The following WDHD1 variants were observed in gnomAD, a reference collection of about 807,000 sequenced individuals.
The protein encoded by WDHD1 is WD repeat and HMG-box DNA binding protein 1, also known as WD repeat and HMG-box DNA-binding protein 1.
WDHD1 carries 111 observed loss-of-function variants against 135.4 expected under a neutral mutation model. The ratio of observed to expected loss-of-function variants is 0.82; its 90% confidence interval spans 0.70 to 0.96. The LOEUF is 0.96. Ranked by LOEUF, WDHD1 falls within the 40% of genes least tolerant of loss-of-function variation. The probability of loss-of-function intolerance (pLI) is 0.00; values close to 1 mark genes in which losing one functional copy is unlikely to be tolerated. For synonymous variants in WDHD1, 434 were observed against 439.0 expected, an observed-to-expected ratio of 0.99 and a Z score of 0.14; for missense variants, 1,351 against 1,336.3, an observed-to-expected ratio of 1.01 and a Z score of -0.17.
At position 54,939,558 on chromosome 14, in the gene WDHD1, T is replaced by C. The variant is rs1203375475; in HGVS notation, c.*1932A>G. On this transcript the variant is annotated 3_prime_UTR_variant, in exon 26 of 26. Transcript: ENST00000360586. Reference sequence around the variant, plus strand: ...ATAATTAATTTATTTCCATTTTCACTTTCATACTATTCAGTCCCAATTCTC... The same window carrying C: ...ATAATTAATTTATTTCCATTTTCACCTTCATACTATTCAGTCCCAATTCTC... 1.0e-4 allele frequency: 15 copies of C among 148,014 alleles called. No homozygotes were observed. The highest frequency in any genetic ancestry group is 1.3e-4 in the Non-Finnish European group (9 of 67,428). 9.2% of individuals were successfully genotyped at this position (148,014 alleles called of 1,614,324 possible). A position where few individuals can be genotyped will look rare whatever the true frequency, so the allele number is the denominator to read the frequency against.
chr14:54,984,239 A>T (rs980061321), intron 15 of WDHD1, among the ~76,000 whole-genome samples: 1 of 152,242 alleles, frequency 6.6e-6, no homozygotes, highest in African/African-American at 2.4e-5. Flanking sequence ...TCGCGCCTGT[A>T]ATCCCAGCAC....
intron 7 of WDHD1, among the ~76,000 whole-genome samples, chr14:55,004,637 G>C (rs1249691497): frequency 6.6e-6 from 1 of 152,170 alleles, no homozygotes; most frequent in Non-Finnish European, 1.5e-5. Flanking sequence ...ATTTTTAGTA[G>C]AGACAGGGTT....
chr14:55,000,561 C>T lies in WDHD1; in HGVS notation c.884G>A (p.Gly295Glu). The change falls in exon 10 of 26, where the codon GGA becomes GAA. Residue 295 changes from glycine to glutamate, a missense_variant. By Grantham distance (98) the Gly-to-Glu change is moderately conservative. This residue lies in a region of WDHD1 where 1,330 missense variants were observed against 1,296.1 expected (regional missense o/e 1.03). Coordinates refer to ENST00000360586, the MANE Select transcript of WDHD1 (RefSeq NM_007086.4). ...AACATTCTCTAGAAGCCCTAGATTT[C>T]CTTCCGCATCAGTATACGATATTCG... ...CGRISYTDAE[G>E]NLGLLENVCD... 1 of 1,609,750 alleles carries T rather than the reference C, an allele frequency of 6.2e-7. No individual in the cohort carries two copies. The highest frequency in any genetic ancestry group is 8.5e-7 in the Non-Finnish European group (1 of 1,177,812).
intron 15 of WDHD1, among the ~76,000 whole-genome samples, chr14:54,982,604 G>A (rs1278670117): frequency 6.6e-6 from 1 of 151,998 alleles, no homozygotes; most frequent in Non-Finnish European, 1.5e-5. Flanking sequence ...TTTCTTATCT[G>A]TGGCTTCACA....
At chr14:54,992,748 C>T (rs1278601576) in intron 11 of WDHD1, among the ~76,000 whole-genome samples, 2 of 151,770 alleles carry the variant, frequency 1.3e-5, no homozygotes, top group Non-Finnish European at 2.9e-5. Flanking sequence ...GATTCCATCT[C>T]TACAAAAAAT....
At chr14:55,015,862 C>A (rs2042253853) in intron 2 of WDHD1, among the ~76,000 whole-genome samples, 2 of 152,192 alleles carry the variant, frequency 1.3e-5, no homozygotes, top group Non-Finnish European at 2.9e-5. Flanking sequence ...CCACACCCAG[C>A]TAATCTTTGT....
intron 17 of WDHD1, 123 bp downstream of exon 17, chr14:54,967,157 C>G (rs997770688): frequency 1.3e-6 from 1 of 777,086 alleles, no homozygotes; most frequent in African/African-American, 1.8e-5. Flanking sequence ...TCCCTGCTAC[C>G]CCTATTTATG....
chr14:55,000,487 C>T lies in WDHD1; in HGVS notation c.942+16G>A. 1 of 1,587,196 alleles carries T rather than the reference C, an allele frequency of 6.3e-7. No homozygotes were observed. The highest frequency in any genetic ancestry group is 1.2e-5 in the South Asian group (1 of 86,064). ...GAAACATTTTGAAGAAACTGTTGTA[C>T]CATACTCCCTTTTACCTTACTGCTT... On this transcript the variant is annotated intron_variant, in intron 10 of 25. Transcript: ENST00000360586.
Position 54,966,583 on chromosome 14 carries a change from T to C in WDHD1, c.2202A>G (p.Ile734Met), listed in dbSNP as rs1413408638. The C allele has an allele frequency of 5.0e-6, 8 of 1,607,568 alleles. No homozygotes were observed. The South Asian group carries it at 5.6e-5, about 11-fold the overall frequency. The change falls in exon 18 of 26, where the codon ATA becomes ATG. Residue 734 changes from isoleucine to methionine, a missense_variant. Coordinates refer to ENST00000360586, the MANE Select transcript of WDHD1 (RefSeq NM_007086.4). ...QMEEQFWRSVIFHNHLDYLAK... is the reference protein window; with the variant it reads ...QMEEQFWRSVMFHNHLDYLAK... ...CTAAATAATCAAGGTGGTTGTGAAA[T>C]ATAACTGAACGCCAAAATTGCTCCT... is the stretch of plus-strand genomic sequence containing the variant.
At chr14:54,963,332 T>C (rs2041287758) in intron 18 of WDHD1, among the ~76,000 whole-genome samples, 160 bp from the exon 19 acceptor site, 1 of 152,064 alleles carries the variant, frequency 6.6e-6, no homozygotes, top group African/African-American at 2.4e-5. Context: ...TCTCTGAAAT[T>C]GGAATTACAA....
At position 55,002,176 on chromosome 14, in the gene WDHD1, T is replaced by C. The variant is rs1285759496; in HGVS notation, c.610A>G (p.Ile204Val). 1.9e-6 allele frequency: 3 copies of C among 1,595,610 alleles called. No homozygotes were observed. Among genetic ancestry groups the C allele is most frequent in the East Asian group, 2.2e-5 (1 of 44,598 alleles). Residue 204 changes from isoleucine (I) to valine (V), a missense_variant, in exon 8 of 26, where the codon ATT becomes GTT. Transcript: ENST00000360586. ...WQPKSGKLLAIPVEKSVKLYR... is the reference protein window; with the variant it reads ...WQPKSGKLLAVPVEKSVKLYR... The stretch of plus-strand genomic sequence containing the variant: ...AGCTTAACAGATTTTTCCACAGGAA[T>C]TGCCAGTAACTATTAGAAAAGATAA...
chr14:54,942,054 T>C (rs975192148), intron 25 of WDHD1, among the ~76,000 whole-genome samples: 1 of 151,868 alleles, frequency 6.6e-6, no homozygotes, highest in Non-Finnish European at 1.5e-5. Context: ...ACTGAGACCA[T>C]CCTGGCTAAC....
chr14:54,983,663 A>C (rs929181278), intron 15 of WDHD1, among the ~76,000 whole-genome samples: 5 of 146,878 alleles, frequency 3.4e-5, no homozygotes, highest in South Asian at 4.3e-4. Flanking sequence ...ACAGAGCAAG[A>C]CTCCTAATTT....
chr14:54,997,221 G>C (rs2041897056), intron 10 of WDHD1, among the ~76,000 whole-genome samples: 1 of 149,078 alleles, frequency 6.7e-6, no homozygotes, highest in African/African-American at 2.5e-5. Flanking sequence ...TCAGCTTCCT[G>C]AGTACCTGGG....
chr14:55,013,194 C>CAAAAAAAAAAAAAAAA lies in WDHD1; in HGVS notation c.189+275_189+290dup, dbSNP rs71448422. Among the ~76,000 whole-genome samples the CAAAAAAAAAAAAAAAA allele has an allele frequency of 1.2e-3, 98 of 82,302 alleles. 4 individuals are homozygous for CAAAAAAAAAAAAAAAA. The highest frequency in any genetic ancestry group is 3.2e-3 in the South Asian group (6 of 1,894). 54.0% of individuals were successfully genotyped at this position (82,302 alleles called of 152,430 possible). ...TGAGCAACATGGCAAGATCCCGTTT[C>CAAAAAAAAAAAAAAAA]AAAAAAAAAAAAAAAAAAAAAAAAT... On this transcript the variant is annotated intron_variant, in intron 3 of 25. Coordinates refer to ENST00000360586, the MANE Select transcript of WDHD1 (RefSeq NM_007086.4).
chr14:54,993,378 C>G (rs2041822962), intron 11 of WDHD1, among the ~76,000 whole-genome samples: 1 of 152,048 alleles, frequency 6.6e-6, no homozygotes, highest in Non-Finnish European at 1.5e-5. Flanking sequence ...CCTGGGCCTC[C>G]CAAAGTGCTG....
chr14:55,021,930 T>A (rs1224636951), intron 2 of WDHD1, among the ~76,000 whole-genome samples: 1 of 152,224 alleles, frequency 6.6e-6, no homozygotes, highest in Non-Finnish European at 1.5e-5. Flanking sequence ...TCCAGACTTT[T>A]AGGATGTTCT....
intron 24 of WDHD1, among the ~76,000 whole-genome samples, chr14:54,945,940 T>A (rs2040917148): frequency 6.6e-6 from 1 of 152,170 alleles, no homozygotes; most frequent in South Asian, 2.1e-4. Flanking sequence ...TTAAAAAAAT[T>A]TTTATTAAAA....
rs532319203 is a variant in WDHD1, at chr14:55,008,705, T to G, written c.356A>C (p.Lys119Thr). ...IAAGSSDFLVKIVDVMDSSQQ... is the reference protein window; with the variant it reads ...IAAGSSDFLVTIVDVMDSSQQ... ...GCTGCTATCCATCACATCCACAATT[T>G]TGACTAGAAAATCACTAAGAACAAA... is the stretch of plus-strand genomic sequence containing the variant. Residue 119 changes from lysine (K) to threonine (T), a missense_variant, in exon 5 of 26, where the codon AAA (lysine) becomes ACA (threonine). Lys to Thr is a moderately conservative substitution (Grantham distance 78, BLOSUM62 -1). Coordinates refer to ENST00000360586, the MANE Select transcript of WDHD1 (RefSeq NM_007086.4). 3 of 1,610,670 alleles carry G rather than the reference T, an allele frequency of 1.9e-6. No individual in the cohort carries two copies. The African/African-American group carries it at 4.0e-5, about 22-fold the overall frequency.
Sources: gnomAD v4.1 joint callset for allele counts (sites outside exome capture counted in the v4.1 genomes callset) on GRCh38, gnomAD v4.1.1 for gene constraint, gnomAD v4.1.1 regional missense constraint, MANE v1.5 for transcripts, NCBI Gene and HGNC (gene_info 2026-07-23, HGNC 2026-07-21) for gene names.